Variants in PTH1R observed in about 807,000 individuals in gnomAD.
The protein encoded by PTH1R is parathyroid hormone 1 receptor, also known as parathyroid hormone/parathyroid hormone-related peptide receptor.
A neutral mutation model predicts 70.7 loss-of-function variants in PTH1R; 32 were observed. The ratio of observed to expected loss-of-function variants is 0.45; its 90% CI spans 0.34 to 0.61. PTH1R has a LOEUF of 0.61. Ranked by LOEUF, PTH1R falls within the 20% of genes least tolerant of loss-of-function variation. PTH1R has a pLI of 0.01. For missense variants in PTH1R, 626 were observed against 792.5 expected, an observed-to-expected ratio of 0.79 and a Z score of 2.52; for synonymous variants, 329 against 324.8, an observed-to-expected ratio of 1.01 and a Z score of -0.14.
rs747942702 is a variant in PTH1R, at chr3:46,903,417, G to A, written c.1543G>A (p.Gly515Ser). Reference protein sequence around the residue: ...VTNVGPRVGLGLPLSPRLLPT... With the variant: ...VTNVGPRVGLSLPLSPRLLPT... ...CAATGTCGGCCCCCGTGTGGGACTCGGCCTGCCCCTCAGCCCCCGCCTACT... is the reference window on the plus strand; with the variant it reads ...CAATGTCGGCCCCCGTGTGGGACTCAGCCTGCCCCTCAGCCCCCGCCTACT... The change falls in exon 16 of 16, where the codon GGC becomes AGC. Residue 515 changes from glycine (G) to serine (S), a missense_variant. Gly to Ser is a moderately conservative substitution (Grantham distance 56). Around this residue, in one of 3 missense-constraint regions of PTH1R, gnomAD observed 495 missense variants for 638.7 expected, o/e 0.77. Transcript: ENST00000449590. The surrounding 1 kb of genome is among the most constrained non-coding windows in gnomAD (Gnocchi z 4.4). 1.8e-5 allele frequency: 29 copies of A among 1,613,114 alleles called. No homozygotes were observed. The highest frequency in any genetic ancestry group is 7.7e-5 in the South Asian group (7 of 91,072).
In PTH1R at chr3:46,882,038, T is replaced by G. The variant is rs1173495391; in HGVS notation, c.-49+920T>G. 1.3e-5 allele frequency: 2 copies of G among 151,812 alleles called. No individual in the cohort carries two copies. Among genetic ancestry groups the G allele is most frequent in the Non-Finnish European group, 2.9e-5 (2 of 67,982 alleles). The allele number at this position is 151,812 out of a possible 1,614,324, so 9.4% of individuals were successfully genotyped here. A position where few individuals can be genotyped will look rare whatever the true frequency, so the allele number is the denominator to read the frequency against. On this transcript the variant is annotated intron_variant, in intron 2 of 15. Coordinates refer to ENST00000449590, the MANE Select transcript of PTH1R (RefSeq NM_000316.3). This position sits in a 1 kb window ranked among gnomAD's most constrained non-coding sequence, Gnocchi z 4.3. Reference sequence around the variant, plus strand: ...CGGGTTCCCTGCTCGGGTCTCGATGTTACAGCTGCCCCCGCCCCGTCTCCC... The same window carrying G: ...CGGGTTCCCTGCTCGGGTCTCGATGGTACAGCTGCCCCCGCCCCGTCTCCC...
intron 6 of PTH1R, 41 bp from the exon 7 acceptor site, chr3:46,898,033 C>T (rs200800366): frequency 1.9e-6 from 3 of 1,612,596 alleles, no homozygotes; most frequent in South Asian, 1.1e-5. Flanking sequence ...TTCAGTGCCT[C>T]GAGACCTCCC....
rs2030398286 is a variant in PTH1R at position 46,879,067 on chromosome 3, T to C, written c.-106+1224T>C. Among the ~76,000 whole-genome samples, 1 of 152,138 alleles carries C rather than the reference T, an allele frequency of 6.6e-6. No homozygotes were observed. Among genetic ancestry groups the C allele is most frequent in the Admixed American group, 6.5e-5 (1 of 15,284 alleles). ...TTAATGTGTGACACCCCCACCCTCA[T>C]GGTAGCACTTTAACCAGAGGCCCGA... On this transcript the variant is annotated intron_variant, in intron 1 of 15. Coordinates refer to ENST00000449590, the MANE Select transcript of PTH1R (RefSeq NM_000316.3). This position sits in a 1 kb window ranked among gnomAD's most constrained non-coding sequence, Gnocchi z 4.7.
Position 46,898,851 on chromosome 3 carries a change from C to G in PTH1R, c.828C>G (p.Ala276=). The change falls in exon 9 of 16, where the codon GCC becomes GCG. Residue 276 remains alanine, a synonymous_variant. Coordinates refer to ENST00000449590, the MANE Select transcript of PTH1R (RefSeq NM_000316.3). ...CCCCGCCGCCTGCCACCGCCGCTGC[C>G]GGCTACGTGAGTACCCCTCTGCCCG... The part of the protein sequence containing the change: ...QAPPPPATAA[A]GYAGCRVAVT... The G allele has an allele frequency of 1.3e-6, 2 of 1,543,022 alleles. No individual in the cohort carries two copies. The highest frequency in any genetic ancestry group is 1.7e-6 in the Non-Finnish European group (2 of 1,150,006).
At chr3:46,881,450 A>C (rs2030558166) in intron 2 of PTH1R, among the ~76,000 whole-genome samples, 1 of 151,744 alleles carries the variant, frequency 6.6e-6, no homozygotes, top group Non-Finnish European at 1.5e-5. Context: ...GGGGGTGGGA[A>C]CGGGGGAGGG....
chr3:46,888,657 A>G (rs1259175439), intron 3 of PTH1R, among the ~76,000 whole-genome samples: 1 of 152,092 alleles, frequency 6.6e-6, no homozygotes, highest in African/African-American at 2.4e-5. Flanking sequence ...AAAAGCCCCA[A>G]CTCTGGGGCC....
chr3:46,880,659 G>A (rs1046705349), intron 1 of PTH1R, among the ~76,000 whole-genome samples: 2 of 152,150 alleles, frequency 1.3e-5, no homozygotes, highest in Admixed American at 6.5e-5. Context: ...CCTGGGAAGC[G>A]GAGGTTGCAG....
chr3:46,885,107 G>A (rs1288389962), intron 3 of PTH1R, among the ~76,000 whole-genome samples: 2 of 152,176 alleles, frequency 1.3e-5, no homozygotes, highest in South Asian at 2.1e-4. Context: ...GACGGCCTGA[G>A]GGGTAGACAG....
In PTH1R at chr3:46,901,703, T is replaced by A. The variant is rs2107058527; in HGVS notation, c.1117-63T>A. 1 of 1,530,450 alleles carries A rather than the reference T, an allele frequency of 6.5e-7. No homozygotes were observed. The highest frequency in any genetic ancestry group is 9.1e-7 in the Non-Finnish European group (1 of 1,104,666). The allele number at this position is 1,530,450 out of a possible 1,614,324, so 94.8% of individuals were successfully genotyped here. Reference sequence around the variant, plus strand: ...ACAGAGCAGAGCCTATGGCCGTGGCTGCCAGGCCTTGCCCCGCCCCACTAG... The same window carrying A: ...ACAGAGCAGAGCCTATGGCCGTGGCAGCCAGGCCTTGCCCCGCCCCACTAG... On this transcript the variant is annotated intron_variant, in intron 12 of 15. Coordinates refer to ENST00000449590, the MANE Select transcript of PTH1R (RefSeq NM_000316.3). This position sits in a 1 kb window ranked among gnomAD's most constrained non-coding sequence, Gnocchi z 7.3.
intron 3 of PTH1R, among the ~76,000 whole-genome samples, chr3:46,889,520 C>T (rs968831696): frequency 1.3e-5 from 2 of 152,178 alleles, no homozygotes; most frequent in African/African-American, 4.8e-5. Context: ...CCTGGCCCTC[C>T]TCTTTCTGTG....
rs1394366215 is a variant in PTH1R at position 46,882,301 on chromosome 3, C to G, written c.-49+1183C>G. Reference sequence around the variant, plus strand: ...GCGCGCGGCGGGCGGTGGCTCCGAGCGGCGGCCGGGCGGGGGGCGCTGGAG... The same window carrying G: ...GCGCGCGGCGGGCGGTGGCTCCGAGGGGCGGCCGGGCGGGGGGCGCTGGAG... On this transcript the variant is annotated intron_variant, in intron 2 of 15. Coordinates refer to ENST00000449590, the MANE Select transcript of PTH1R (RefSeq NM_000316.3). The surrounding 1 kb of genome is among the most constrained non-coding windows in gnomAD (Gnocchi z 4.3). 3 of 150,668 alleles carry G rather than the reference C, an allele frequency of 2.0e-5. No individual in the cohort carries two copies. Among genetic ancestry groups the G allele is most frequent in the Non-Finnish European group, 4.4e-5 (3 of 67,526 alleles). 9.3% of individuals were successfully genotyped at this position (150,668 alleles called of 1,614,324 possible). A position where few individuals can be genotyped will look rare whatever the true frequency, so the allele number is the denominator to read the frequency against.
chr3:46,894,112 G>A, intron 4 of PTH1R, 103 bp downstream of exon 4: 2 of 1,232,156 alleles, frequency 1.6e-6, no homozygotes, highest in Non-Finnish European at 1.2e-6. Context: ...TCTCTGTGGG[G>A]GCGGACTTAG....
intron 3 of PTH1R, among the ~76,000 whole-genome samples, chr3:46,887,603 TGTGTTTCCAAATG>T (rs1481878242): frequency 6.6e-6 from 1 of 152,210 alleles, no homozygotes; most frequent in African/African-American, 2.4e-5. Flanking sequence ...CCTCTTTCTG[TGTGTTTCCAAATG>T]GTACCTCTTT....
intron 10 of PTH1R, 126 bp from the exon 11 acceptor site, chr3:46,900,899 C>A: frequency 1.9e-6 from 2 of 1,049,830 alleles, no homozygotes; most frequent in Non-Finnish European, 2.9e-6. Flanking sequence ...ACCAAGTGGA[C>A]CAAGTGCCCA....
Position 46,895,301 on chromosome 3 carries a change from G to A in PTH1R, c.179-434G>A, listed in dbSNP as rs530954170. On this transcript the variant is annotated intron_variant, in intron 4 of 15. Transcript: ENST00000449590. ...AGCTTCTTTACCTGCACAGCACTCA[G>A]GCCAGACTTAATTTTCGCTATGTAA... 3.9e-5 allele frequency among the ~76,000 whole-genome samples: 6 copies of A among 152,152 alleles called. No individual in the cohort carries two copies. In the South Asian group the frequency reaches 1.2e-3, roughly 32 times the overall value.
At chr3:46,898,901 C>T (rs1244761955) in intron 9 of PTH1R, 44 bp downstream of exon 9, 2 of 1,377,820 alleles carry the variant, frequency 1.5e-6, no homozygotes, top group Non-Finnish European at 1.9e-6. Flanking sequence ...CGCCACTGGC[C>T]TCGTGGGGCC....
rs972705305 is a variant in PTH1R, at chr3:46,898,526, C to A, written c.638+54C>A. 4.4e-6 allele frequency: 7 copies of A among 1,605,090 alleles called. No homozygotes were observed. The South Asian group carries it at 5.5e-5, about 13-fold the overall frequency. ...GACATGGTGGAGGGGGGGCGGTGGC[C>A]GAGGTCTGATGCGACCCCCTCCCTG... On this transcript the variant is annotated intron_variant, in intron 8 of 15. Coordinates refer to ENST00000449590, the MANE Select transcript of PTH1R (RefSeq NM_000316.3).
At chr3:46,900,734 A>C (rs1429110576) in intron 10 of PTH1R, among the ~76,000 whole-genome samples, 1 of 152,178 alleles carries the variant, frequency 6.6e-6, no homozygotes, top group Admixed American at 6.5e-5. Flanking sequence ...GGCATGGATC[A>C]GTTAGTGATA....
chr3:46,898,518 G>T, intron 8 of PTH1R, 46 bp downstream of exon 8: 1 of 1,607,412 alleles, frequency 6.2e-7, no homozygotes, highest in Non-Finnish European at 8.5e-7. Flanking sequence ...TGGAGGGGGG[G>T]CGGTGGCCGA....
Sources: allele counts gnomAD v4.1 joint callset (sites outside exome capture counted in the v4.1 genomes callset), GRCh38; gene constraint gnomAD v4.1.1; regional missense constraint gnomAD v4.1.1; non-coding constraint Gnocchi (gnomAD v3.1); transcripts MANE v1.5; gene names NCBI Gene and HGNC (gene_info 2026-07-23, HGNC 2026-07-21).